Variants in PCDHGB1 observed in about 807,000 individuals in gnomAD.
PCDHGB1 encodes protocadherin gamma subfamily B, 1, also known as protocadherin gamma-B1.
A neutral mutation model predicts 56.6 loss-of-function variants in PCDHGB1; 34 were observed. The ratio of observed to expected loss-of-function variants is 0.60; its 90% CI spans 0.46 to 0.80. The LOEUF (loss-of-function observed/expected upper bound fraction) is 0.80. Ranked by LOEUF, PCDHGB1 falls within the 30% of genes least tolerant of loss-of-function variation. The probability of loss-of-function intolerance (pLI) is 0.00; values close to 1 mark genes in which losing one functional copy is unlikely to be tolerated. For synonymous variants in PCDHGB1, 561 were observed against 505.9 expected, an observed-to-expected ratio of 1.11 and a Z score of -1.46; for missense variants, 1,278 against 1,204.6, an observed-to-expected ratio of 1.06 and a Z score of -0.90.
chr5:141,432,094 C>G lies in PCDHGB1; in HGVS notation c.2410-62713C>G. On this transcript the variant is annotated intron_variant, in intron 1 of 3. Transcript: ENST00000523390. This position sits in a 1 kb window ranked among gnomAD's most constrained non-coding sequence, Gnocchi z 6.0. ...ATATCTCGCTGAACGTGGCAGACAC[C>G]AACGACAACCCGCCGGTCTTCCCTC... The G allele has an allele frequency of 6.2e-7, 1 of 1,614,178 alleles. No homozygotes were observed. The highest frequency in any genetic ancestry group is 8.5e-7 in the Non-Finnish European group (1 of 1,180,046).
intron 1 of PCDHGB1, chr5:141,422,637 C>T (rs980166515): frequency 8.7e-5 from 141 of 1,612,568 alleles, no homozygotes; most frequent in Non-Finnish European, 1.2e-4. Flanking sequence ...CCAGGGGTGC[C>T]TCCATCTTCT....
chr5:141,418,928 A>G, intron 1 of PCDHGB1: 1 of 1,613,978 alleles, frequency 6.2e-7, no homozygotes, highest in Non-Finnish European at 8.5e-7. Context: ...TGATCAGATT[A>G]TGGAGGATTC....
intron 1 of PCDHGB1, chr5:141,418,947 G>T (rs534744990): frequency 6.2e-7 from 1 of 1,614,022 alleles, no homozygotes; most frequent in African/African-American, 1.3e-5. Context: ...TCCCCTCCAG[G>T]AGTGGTTGTT....
intron 1 of PCDHGB1, chr5:141,408,896 GT>G: frequency 6.2e-7 from 1 of 1,613,328 alleles, no homozygotes; most frequent in Non-Finnish European, 8.5e-7. Context: ...AGAAATTTCT[GT>G]CAAGGATACC....
chr5:141,477,378 C>A lies in PCDHGB1; in HGVS notation c.2410-17429C>A. On this transcript the variant is annotated intron_variant, in intron 1 of 3. Coordinates refer to ENST00000523390, the MANE Select transcript of PCDHGB1 (RefSeq NM_018922.3). This position sits in a 1 kb window ranked among gnomAD's most constrained non-coding sequence, Gnocchi z 4.9. ...GCAGACCTGGATCGGGAGACTGTGC[C>A]AGAATACAACCTCAGCATCACCGCC... 2 of 1,614,136 alleles carry A rather than the reference C, an allele frequency of 1.2e-6. No homozygotes were observed. Among genetic ancestry groups the A allele is most frequent in the Non-Finnish European group, 1.7e-6 (2 of 1,180,034 alleles).
intron 1 of PCDHGB1, chr5:141,371,055 T>A (rs1438717717): frequency 5.6e-6 from 9 of 1,613,768 alleles, no homozygotes; most frequent in Non-Finnish European, 7.6e-6. Flanking sequence ...GGGCGAGCCC[T>A]CCAGAAGCTG....
In PCDHGB1 at chr5:141,414,189, G is replaced by C. The variant is rs1674006167; in HGVS notation, c.2409+61520G>C. ...CATATCTTGCAACTGCAAAAGTGTT[G>C]ATTACAGTAGAAGATGTAAATGACA... On this transcript the variant is annotated intron_variant, in intron 1 of 3. Transcript: ENST00000523390. 3.1e-6 allele frequency: 5 copies of C among 1,609,966 alleles called. No homozygotes were observed. The highest frequency in any genetic ancestry group is 3.4e-6 in the Non-Finnish European group (4 of 1,177,924).
chr5:141,472,060 T>C (rs185246000), intron 1 of PCDHGB1, among the ~76,000 whole-genome samples: 5 of 152,276 alleles, frequency 3.3e-5, no homozygotes, highest in Non-Finnish European at 1.5e-5. Context: ...ATGATTGACA[T>C]GTCTGTGGTT....
At chr5:141,449,667 G>A (rs540415333) in intron 1 of PCDHGB1, among the ~76,000 whole-genome samples, 1 of 150,824 alleles carries the variant, frequency 6.6e-6, no homozygotes, top group South Asian at 2.1e-4. Context: ...ACACCCAAGT[G>A]TGTATGTATA....
At chr5:141,385,981 A>G (rs2090416620) in intron 1 of PCDHGB1, 1 of 152,244 alleles carries the variant, frequency 6.6e-6, no homozygotes, top group Non-Finnish European at 1.5e-5. Flanking sequence ...AACCAATAAA[A>G]TATGTCAAAT....
chr5:141,431,351 C>A lies in PCDHGB1; in HGVS notation c.2410-63456C>A. On this transcript the variant is annotated intron_variant, in intron 1 of 3. Coordinates refer to ENST00000523390, the MANE Select transcript of PCDHGB1 (RefSeq NM_018922.3). The surrounding 1 kb of genome is among the most constrained non-coding windows in gnomAD (Gnocchi z 4.8). ...TAAGTACCCCGAATTGGTGCTGAAA[C>A]GCGCCCTGGACCGCGAAGAAAAGGC... The A allele has an allele frequency of 6.2e-7, 1 of 1,614,064 alleles. No individual in the cohort carries two copies. The highest frequency in any genetic ancestry group is 8.5e-7 in the Non-Finnish European group (1 of 1,180,042).
intron 1 of PCDHGB1, among the ~76,000 whole-genome samples, chr5:141,457,656 G>T (rs2098926936): frequency 6.6e-6 from 1 of 152,244 alleles, no homozygotes; most frequent in Non-Finnish European, 1.5e-5. Context: ...ATGAAGTGCA[G>T]CAAGAATGGT....
chr5:141,425,812 G>GA (rs574320012), intron 1 of PCDHGB1, among the ~76,000 whole-genome samples: 9 of 152,054 alleles, frequency 5.9e-5, no homozygotes, highest in South Asian at 4.1e-4. Flanking sequence ...CTTCTGCTTA[G>GA]AAAAAAACAA....
At chr5:141,409,830 G>T in intron 1 of PCDHGB1, 1 of 1,611,250 alleles carries the variant, frequency 6.2e-7, no homozygotes, top group South Asian at 1.1e-5. Flanking sequence ...CCCACGCTCA[G>T]CGCCAACGTG....
At position 141,491,672 on chromosome 5, in the gene PCDHGB1, G is replaced by A. The variant is rs754836157; in HGVS notation, c.2410-3135G>A. The A allele has an allele frequency of 9.9e-6, 16 of 1,613,494 alleles. No homozygotes were observed. The South Asian group carries it at 1.4e-4, about 14-fold the overall frequency. On this transcript the variant is annotated intron_variant, in intron 1 of 3. Transcript: ENST00000523390. This position sits in a 1 kb window ranked among gnomAD's most constrained non-coding sequence, Gnocchi z 6.9. ...CTGGAGCCTGACGCCATCCGGTCCCGCTCTAATACGCTGCGGGAGCGGAGC... is the reference window on the plus strand; with the variant it reads ...CTGGAGCCTGACGCCATCCGGTCCCACTCTAATACGCTGCGGGAGCGGAGC...
In PCDHGB1 at chr5:141,351,617, T is replaced by G. The variant is rs1469008271; in HGVS notation, c.1357T>G (p.Tyr453Asp). 6.2e-7 allele frequency: 1 copy of G among 1,614,030 alleles called. No homozygotes were observed. The stretch of plus-strand genomic sequence containing the variant: ...TGCACCTGTTTTCCATCAGGCCTCC[T>G]ATGTGGTCCACGTGTCTGAGAACAA... ...DNAPVFHQAS[Y>D]VVHVSENNPP... is the part of the protein sequence containing the mutation. The change falls in exon 1 of 4, where the codon TAT (tyrosine) becomes GAT (aspartate). Residue 453 changes from tyrosine to aspartate, a missense_variant. Coordinates refer to ENST00000523390, the MANE Select transcript of PCDHGB1 (RefSeq NM_018922.3).
At chr5:141,475,980 C>T (rs758066578) in intron 1 of PCDHGB1, 45 of 1,028,498 alleles carry the variant, frequency 4.4e-5, no homozygotes, top group Non-Finnish European at 6.2e-5. Flanking sequence ...ACTGAACAGC[C>T]GGCGAGCAAA....
At chr5:141,443,321 A>AC (rs1175439570) in intron 1 of PCDHGB1, among the ~76,000 whole-genome samples, 1 of 151,616 alleles carries the variant, frequency 6.6e-6, no homozygotes, top group African/African-American at 2.4e-5. Flanking sequence ...TCTCTACAAA[A>AC]AAAAAAAACA....
Position 141,432,856 on chromosome 5 carries a change from G to A in PCDHGB1, c.2410-61951G>A, listed in dbSNP as rs773243805. 8.7e-6 allele frequency: 14 copies of A among 1,614,024 alleles called. No homozygotes were observed. The highest frequency in any genetic ancestry group is 1.3e-5 in the African/African-American group (1 of 74,908). ...TGTACCTGGTGGTAGCGGTGGCCGC[G>A]GTCTCCTGCGTCTTCCTGGCCTTCG... On this transcript the variant is annotated intron_variant, in intron 1 of 3. Coordinates refer to ENST00000523390, the MANE Select transcript of PCDHGB1 (RefSeq NM_018922.3). The surrounding 1 kb of genome is among the most constrained non-coding windows in gnomAD (Gnocchi z 6.0).
Sources: gnomAD v4.1 joint callset for allele counts (sites outside exome capture counted in the v4.1 genomes callset) on GRCh38, gnomAD v4.1.1 for gene constraint, Gnocchi (gnomAD v3.1) non-coding constraint, MANE v1.5 for transcripts, NCBI Gene and HGNC (gene_info 2026-07-23, HGNC 2026-07-21) for gene names.